The following ZNF451 variants were observed in gnomAD, a reference collection of about 807,000 sequenced individuals.
ZNF451 encodes the protein zinc finger protein 451, also known as E3 SUMO-protein ligase ZNF451.
ZNF451 carries 80 observed loss-of-function variants against 107.1 expected under a neutral mutation model. The observed-to-expected ratio is 0.75, with a 90% CI of 0.62 to 0.90. The LOEUF is 0.90. Among genes scored for constraint, ZNF451 ranks in the 40% least tolerant of loss-of-function variants. The pLI is 0.00. For synonymous variants in ZNF451, 362 were observed against 406.5 expected (o/e 0.89, Z 1.32); for missense variants, 1,107 against 1,236.2 (o/e 0.90, Z 1.57).
Position 57,168,568 on chromosome 6 carries a change from A to G in ZNF451, c.*99A>G. 1 of 937,682 alleles carries G rather than the reference A, an allele frequency of 1.1e-6. No individual in the cohort carries two copies. The highest frequency in any genetic ancestry group is 1.7e-6 in the Non-Finnish European group (1 of 600,106). The allele number at this position is 937,682 out of a possible 1,614,324, so 58.1% of individuals were successfully genotyped here. On this transcript the variant is annotated 3_prime_UTR_variant, in exon 15 of 15. Transcript: ENST00000370706. ...AAGGAGACCAGAAATCCACTATTACAAATGTATTTGAAAACATGTTTTTGC... is the reference window on the plus strand; with the variant it reads ...AAGGAGACCAGAAATCCACTATTACGAATGTATTTGAAAACATGTTTTTGC...
intron 7 of ZNF451, among the ~76,000 whole-genome samples, chr6:57,135,588 T>G (rs1229875198): frequency 1.3e-5 from 2 of 152,204 alleles, no homozygotes; most frequent in African/African-American, 2.4e-5. Flanking sequence ...ATAAGATATC[T>G]AAATTGTTCT....
chr6:57,097,962 A>T (rs540293765), intron 2 of ZNF451, among the ~76,000 whole-genome samples: 1 of 146,468 alleles, frequency 6.8e-6, no homozygotes, highest in Non-Finnish European at 1.5e-5. Context: ...TTATTTATAT[A>T]TTTATTATTA....
intron 3 of ZNF451, among the ~76,000 whole-genome samples, chr6:57,119,079 A>G (rs2127955120): frequency 6.6e-6 from 1 of 152,310 alleles, no homozygotes; most frequent in East Asian, 1.9e-4. Context: ...TTACTTCAGT[A>G]TAACTTCTTT....
At chr6:57,127,435 A>G (rs561150092) in intron 4 of ZNF451, among the ~76,000 whole-genome samples, 17 of 152,334 alleles carry the variant, frequency 1.1e-4, no homozygotes, top group African/African-American at 3.4e-4. Context: ...GATTTTCTTC[A>G]GATTAAAATC....
At chr6:57,146,788 A>G (rs1384992704) in intron 9 of ZNF451, among the ~76,000 whole-genome samples, 7 of 152,214 alleles carry the variant, frequency 4.6e-5, no homozygotes, top group Admixed American at 2.0e-4. Flanking sequence ...TTGCCTGTTC[A>G]ATAAGGTCCT....
intron 7 of ZNF451, among the ~76,000 whole-genome samples, chr6:57,137,818 T>G (rs1286614554): frequency 6.6e-6 from 1 of 152,244 alleles, no homozygotes; most frequent in Non-Finnish European, 1.5e-5. Context: ...GATTTATCTA[T>G]TGTGGATATT....
At chr6:57,153,790 T>A in intron 12 of ZNF451, 71 bp from the exon 13 acceptor site, 1 of 1,493,436 alleles carries the variant, frequency 6.7e-7, no homozygotes, top group Non-Finnish European at 9.3e-7. Flanking sequence ...GTGTTCATTC[T>A]GAAATAGATG....
At position 57,090,368 on chromosome 6, in the gene ZNF451, C is replaced by T; in HGVS notation, c.21+94C>T. 6 of 1,552,252 alleles carry T rather than the reference C, an allele frequency of 3.9e-6. No individual in the cohort carries two copies. The South Asian group carries it at 4.8e-5, about 12-fold the overall frequency. The stretch of plus-strand genomic sequence containing the variant: ...CTGAGGCCTGGTGCTCCGTCGCAGC[C>T]TCGGGGCGATACCTCTTCAGTGTCT... On this transcript the variant is annotated intron_variant, in intron 1 of 14. Transcript: ENST00000370706.
At position 57,148,690 on chromosome 6, in the gene ZNF451, A is replaced by G. The variant is rs1380172742; in HGVS notation, c.2605A>G (p.Ile869Val). Residue 869 changes from isoleucine to valine, a missense_variant, in exon 10 of 15, where the codon ATA becomes GTA. Ile to Val is a conservative substitution (Grantham distance 29). Transcript: ENST00000370706. ...TGAGAATGACCTAAGCTATCAGAAT[A>G]TAGGTATGGCTTTATAGCTCTATGC... ...GVENDLSYQN[I>V]EEEIVELPDL... is the part of the protein sequence containing the mutation. 1.9e-6 allele frequency: 3 copies of G among 1,602,416 alleles called. No homozygotes were observed. Among genetic ancestry groups the G allele is most frequent in the South Asian group, 1.1e-5 (1 of 89,390 alleles).
At chr6:57,168,376 T>C (rs1593183296) in intron 14 of ZNF451, 47 bp from the exon 15 acceptor site, 1 of 1,330,144 alleles carries the variant, frequency 7.5e-7, no homozygotes, top group East Asian at 2.3e-5. Flanking sequence ...ACAGCACATG[T>C]TGAGTTTTCT....
chr6:57,111,820 CTT>C (rs548052827), intron 3 of ZNF451, among the ~76,000 whole-genome samples: 1 of 152,106 alleles, frequency 6.6e-6, no homozygotes, highest in Non-Finnish European at 1.5e-5. Context: ...ATAGGAAAAT[CTT>C]TTTTAACAGG....
At chr6:57,168,040 C>A (rs1763973800) in intron 14 of ZNF451, among the ~76,000 whole-genome samples, 1 of 152,110 alleles carries the variant, frequency 6.6e-6, no homozygotes, top group Non-Finnish European at 1.5e-5. Context: ...TTTGTCATTT[C>A]ATGGAGTTGC....
rs927140679 is a variant in ZNF451, at chr6:57,124,766, T to C, written c.219T>C (p.Tyr73=). 1.3e-6 allele frequency: 2 copies of C among 1,598,092 alleles called. No individual in the cohort carries two copies. Among genetic ancestry groups the C allele is most frequent in the African/African-American group, 2.7e-5 (2 of 74,556 alleles). Residue 73 remains tyrosine, a synonymous_variant, in exon 4 of 15, where the codon TAT becomes TAC. Coordinates refer to ENST00000370706, the MANE Select transcript of ZNF451 (RefSeq NM_001031623.3). ...ENIKRKDHID[Y]QKDKVALTLA... ...TTAAACGTAAAGACCATATTGATTA[T>C]CAGAAGGATAAAGTTGCTTTAACTC...
intron 14 of ZNF451, chr6:57,165,321 T>C (rs1012335263): frequency 6.6e-6 from 1 of 152,228 alleles, no homozygotes; most frequent in African/African-American, 2.4e-5. Context: ...TCTGATCCTA[T>C]TGCACTTCCC....
intron 5 of ZNF451, among the ~76,000 whole-genome samples, chr6:57,131,730 G>T (rs750042335): frequency 2.3e-4 from 35 of 152,108 alleles, no homozygotes; most frequent in Non-Finnish European, 4.9e-4. Context: ...CTATTTAAAT[G>T]CTTAGGGGCT....
At chr6:57,155,491 CAAA>C (rs1763376909) in intron 13 of ZNF451, among the ~76,000 whole-genome samples, 1 of 152,168 alleles carries the variant, frequency 6.6e-6, no homozygotes. Flanking sequence ...TCGTCTCAAA[CAAA>C]AAGCAAAACA....
chr6:57,112,770 CTTCATG>C (rs1335811513), intron 3 of ZNF451, among the ~76,000 whole-genome samples: 1 of 151,972 alleles, frequency 6.6e-6, no homozygotes, highest in East Asian at 1.9e-4. Flanking sequence ...GGTCTAGTGA[CTTCATG>C]TTCATAATAT....
intron 3 of ZNF451, chr6:57,101,274 A>C (rs1289569527): frequency 3.9e-6 from 6 of 1,550,798 alleles, no homozygotes; most frequent in African/African-American, 1.4e-5. Flanking sequence ...GTGAAGGGAA[A>C]CCTGATTGTG....
At chr6:57,110,776 G>C (rs542558441) in intron 3 of ZNF451, among the ~76,000 whole-genome samples, 1 of 152,192 alleles carries the variant, frequency 6.6e-6, no homozygotes, top group South Asian at 2.1e-4. Context: ...ACCCTCTCTA[G>C]GTGTTTCAGA....
Sources: gnomAD v4.1 joint callset for allele counts (sites outside exome capture counted in the v4.1 genomes callset) on GRCh38, gnomAD v4.1.1 for gene constraint, MANE v1.5 for transcripts, NCBI Gene and HGNC (gene_info 2026-07-23, HGNC 2026-07-21) for gene names.